Variants in CC2D2A observed in about 807,000 individuals in gnomAD.
The protein encoded by CC2D2A is coiled-coil and C2 domain-containing protein 2A.
A neutral mutation model predicts 212.9 loss-of-function variants in CC2D2A; 155 were observed. That is an observed-to-expected ratio of 0.73 (90% CI 0.64 to 0.83). The LOEUF is 0.83. CC2D2A is among the 40% of genes least tolerant of loss of function. CC2D2A has a pLI of 0.00. For synonymous variants in CC2D2A, 667 were observed against 686.5 expected (o/e 0.97, Z 0.44); for missense variants, 1,856 against 1,956.2 (o/e 0.95, Z 0.97).
At chr4:15,586,605 A>C (rs1342897940) in intron 31 of CC2D2A, among the ~76,000 whole-genome samples, 2 of 152,192 alleles carry the variant, frequency 1.3e-5, no homozygotes, top group Non-Finnish European at 2.9e-5. Flanking sequence ...GGGCTTTGTA[A>C]GGCATGGCAA....
chr4:15,584,850 G>T (rs1720797902), intron 30 of CC2D2A, among the ~76,000 whole-genome samples: 1 of 152,066 alleles, frequency 6.6e-6, no homozygotes, highest in Admixed American at 6.5e-5. Flanking sequence ...GAGCTGAATT[G>T]GTATTTCTCA....
chr4:15,470,110 A>C (rs771006335), intron 1 of CC2D2A, 53 bp downstream of exon 1: 7 of 152,206 alleles, frequency 4.6e-5, no homozygotes, highest in Non-Finnish European at 7.4e-5. Flanking sequence ...TCCTGTTTTC[A>C]GTTACCCGGC....
At chr4:15,534,580 A>G (rs1308815480) in intron 14 of CC2D2A, among the ~76,000 whole-genome samples, 2 of 152,210 alleles carry the variant, frequency 1.3e-5, no homozygotes, top group East Asian at 1.9e-4. Flanking sequence ...AAGAGCATCT[A>G]TGCTGCTGGT....
intron 30 of CC2D2A, among the ~76,000 whole-genome samples, 199 bp downstream of exon 30, chr4:15,580,370 G>A (rs1363521414): frequency 1.3e-5 from 2 of 152,286 alleles, no homozygotes; most frequent in East Asian, 1.9e-4. Context: ...CCAGGCAGTG[G>A]CTCATGCCTG....
rs1158349299 is a variant in CC2D2A, at chr4:15,515,900, C to T, written c.913C>T (p.Gln305Ter). Residue 305 changes from glutamine to a stop codon, truncating the protein, a stop_gained, in exon 10 of 37, where the codon CAG (glutamine) becomes TAG (stop). Coordinates refer to ENST00000424120, the MANE Select transcript of CC2D2A (RefSeq NM_001378615.1). LOFTEE classifies it high-confidence loss of function. ...PTYKKLPENV[Q>*]PRFLEDEGLY... Reference sequence around the variant, plus strand: ...ATATAAAAAGCTTCCTGAGAATGTACAGCCCAGGTTCCTGGAAGATGAAGG... The same window carrying T: ...ATATAAAAAGCTTCCTGAGAATGTATAGCCCAGGTTCCTGGAAGATGAAGG... The T allele has an allele frequency of 5.8e-6, 9 of 1,553,556 alleles. No homozygotes were observed. The highest frequency in any genetic ancestry group is 7.0e-6 in the Non-Finnish European group (8 of 1,148,098).
chr4:15,534,118 T>C (rs537681691), intron 14 of CC2D2A, among the ~76,000 whole-genome samples: 132 of 152,368 alleles, frequency 8.7e-4, no homozygotes, highest in Middle Eastern at 3.4e-3. Flanking sequence ...TATTTGGATT[T>C]CCTCTTTTGT....
chr4:15,586,312 T>C (rs1461965223), intron 31 of CC2D2A, 66 bp downstream of exon 31: 4 of 963,108 alleles, frequency 4.2e-6, no homozygotes, highest in Non-Finnish European at 6.0e-6. Context: ...GCTAACTGAC[T>C]TGCATAATTT....
Position 15,550,852 on chromosome 4 carries a change from C to T in CC2D2A, c.2210C>T (p.Pro737Leu). 1 of 1,589,366 alleles carries T rather than the reference C, an allele frequency of 6.3e-7. No individual in the cohort carries two copies. The highest frequency in any genetic ancestry group is 8.6e-7 in the Non-Finnish European group (1 of 1,160,906). ...TATGAAACTGTCGGACACAGTAGTCCCACCTTGCTAGCAGAAGTGTTTCTG... is the reference window on the plus strand; with the variant it reads ...TATGAAACTGTCGGACACAGTAGTCTCACCTTGCTAGCAGAAGTGTTTCTG... ...QVYETVGHSS[P>L]TLLAEVFLPI... is the part of the protein sequence containing the mutation. The change falls in exon 18 of 37, where the codon CCC becomes CTC. Residue 737 changes from proline (P) to leucine (L), a missense_variant. By Grantham distance (98) the Pro-to-Leu change is moderately conservative. Coordinates refer to ENST00000424120, the MANE Select transcript of CC2D2A (RefSeq NM_001378615.1).
In CC2D2A at chr4:15,559,199, T is replaced by C. The variant is rs779465688; in HGVS notation, c.2864T>C (p.Ile955Thr). The change falls in exon 22 of 37, where the codon ATA (isoleucine) becomes ACA (threonine). Residue 955 changes from isoleucine to threonine, a missense_variant. Physicochemically the swap from Ile to Thr is moderately conservative, Grantham distance 89. Transcript: ENST00000424120. Reference sequence around the variant, plus strand: ...AAACGGTTACGAGACAGAAATGTAATAGAAACCAAGGAACACATAGACACC... The same window carrying C: ...AAACGGTTACGAGACAGAAATGTAACAGAAACCAAGGAACACATAGACACC... ...YEKRLRDRNV[I>T]ETKEHIDTHR... 12 of 1,552,582 alleles carry C rather than the reference T, an allele frequency of 7.7e-6. No individual in the cohort carries two copies. The African/African-American group carries it at 8.2e-5, about 11-fold the overall frequency.
chr4:15,470,689 C>CTATATA (rs199958992), intron 1 of CC2D2A, among the ~76,000 whole-genome samples: 3 of 50,668 alleles, frequency 5.9e-5, no homozygotes, highest in Non-Finnish European at 7.3e-5. Flanking sequence ...CTCTCTCTCT[C>CTATATA]TATATATATA....
At chr4:15,498,357 C>G (rs191089896) in intron 4 of CC2D2A, among the ~76,000 whole-genome samples, 2 of 152,260 alleles carry the variant, frequency 1.3e-5, no homozygotes, top group Admixed American at 1.3e-4. Context: ...GCCCTCAAAT[C>G]AAATCTTAAA....
chr4:15,563,316 C>T, intron 23 of CC2D2A, 39 bp from the exon 24 acceptor site: 4 of 1,539,246 alleles, frequency 2.6e-6, no homozygotes, highest in Non-Finnish European at 3.5e-6. Context: ...GCAGACCTTT[C>T]TTTTTCTTAG....
chr4:15,553,347 TATC>T (rs748443827), intron 19 of CC2D2A, 42 bp downstream of exon 19: 1 of 1,598,498 alleles, frequency 6.3e-7, no homozygotes, highest in Non-Finnish European at 8.5e-7. Context: ...ATGTCAGTGT[TATC>T]ATTAAAGATA....
intron 4 of CC2D2A, among the ~76,000 whole-genome samples, chr4:15,498,942 T>C (rs1056086180): frequency 6.6e-6 from 1 of 152,222 alleles, no homozygotes; most frequent in Non-Finnish European, 1.5e-5. Context: ...TCCTCCAATA[T>C]GTTTCTTGCT....
intron 36 of CC2D2A, among the ~76,000 whole-genome samples, chr4:15,600,763 T>C (rs1049313798): frequency 2.6e-5 from 4 of 151,746 alleles, no homozygotes; most frequent in African/African-American, 9.7e-5. Context: ...GTAGCCAGGA[T>C]GGTGGCACTT....
intron 4 of CC2D2A, among the ~76,000 whole-genome samples, chr4:15,486,361 T>C (rs868510560): frequency 7.9e-5 from 12 of 152,068 alleles, no homozygotes; most frequent in South Asian, 2.1e-4. Context: ...TCAGATTTTA[T>C]ATTTCTTCAT....
intron 2 of CC2D2A, among the ~76,000 whole-genome samples, chr4:15,478,039 C>T (rs1355100336): frequency 6.6e-6 from 1 of 152,190 alleles, no homozygotes; most frequent in East Asian, 1.9e-4. Context: ...CCCAGGGGCA[C>T]TTGTGCCCCA....
At chr4:15,484,328 G>GA (rs1412217559) in intron 4 of CC2D2A, among the ~76,000 whole-genome samples, 1 of 152,092 alleles carries the variant, frequency 6.6e-6, no homozygotes, top group Non-Finnish European at 1.5e-5. Context: ...CAAGGAAAAG[G>GA]AAAAAAATAA....
chr4:15,583,047 A>G (rs145733936), intron 30 of CC2D2A, among the ~76,000 whole-genome samples: 121 of 152,350 alleles, frequency 7.9e-4, no homozygotes, highest in African/African-American at 2.7e-3. Context: ...AGGCAAATCA[A>G]TAAGTGTGAT....
Sources: allele counts gnomAD v4.1 joint callset (sites outside exome capture counted in the v4.1 genomes callset), GRCh38; gene constraint gnomAD v4.1.1; transcripts MANE v1.5; gene names NCBI Gene and HGNC (gene_info 2026-07-23, HGNC 2026-07-21).